Variants in TTC7B observed in about 807,000 individuals in gnomAD.
The protein encoded by TTC7B is tetratricopeptide repeat protein 7B.
TTC7B carries 28 observed loss-of-function variants against 106.8 expected under a neutral mutation model. The ratio of observed to expected loss-of-function variants is 0.26; its 90% CI spans 0.19 to 0.36. The LOEUF is 0.36. TTC7B is among the 10% of genes least tolerant of loss of function. TTC7B has a pLI of 1.00. For missense variants in TTC7B, 862 were observed against 1,076.4 expected (o/e 0.80, Z 2.79); for synonymous variants, 405 against 430.6 (o/e 0.94, Z 0.74).
chr14:90,551,041 C>T (rs771346775), intron 19 of TTC7B, among the ~76,000 whole-genome samples: 75 of 152,308 alleles, frequency 4.9e-4, no homozygotes, highest in South Asian at 1.0e-3. Flanking sequence ...GGCTGTATGG[C>T]TTCCCCTCAG....
intron 19 of TTC7B, among the ~76,000 whole-genome samples, chr14:90,550,993 C>T (rs564064585): frequency 6.6e-6 from 1 of 152,164 alleles, no homozygotes; most frequent in Non-Finnish European, 1.5e-5. Context: ...GCGAGCACCC[C>T]CTGGGAGAAG....
chr14:90,698,878 C>T (rs920780852), intron 5 of TTC7B: 1 of 280,638 alleles, frequency 3.6e-6, no homozygotes, highest in African/African-American at 2.3e-5. Flanking sequence ...TCATTCAAAT[C>T]CTTGTTTTTC....
chr14:90,748,353 G>C (rs567316840), intron 3 of TTC7B, among the ~76,000 whole-genome samples: 4 of 152,144 alleles, frequency 2.6e-5, no homozygotes, highest in African/African-American at 4.8e-5. Context: ...GTTTGGGACA[G>C]AGTCTCACTC....
intron 17 of TTC7B, among the ~76,000 whole-genome samples, chr14:90,603,828 T>C (rs906812101): frequency 3.9e-5 from 6 of 152,166 alleles, no homozygotes; most frequent in Non-Finnish European, 5.9e-5. Context: ...CAGTATGTTT[T>C]CCCCCCTCTA....
intron 5 of TTC7B, among the ~76,000 whole-genome samples, chr14:90,701,947 A>G (rs1246804374): frequency 6.6e-6 from 1 of 151,996 alleles, no homozygotes; most frequent in Non-Finnish European, 1.5e-5. Context: ...GTTCAGTTTA[A>G]CCCTAATGGT....
rs188858556 is a variant in TTC7B, at chr14:90,793,808, A to C, written c.122-7480T>G. ...TTTTTAGTAGAGACAGGGTTTCTCC[A>C]TGTTGGTCAGGCTGGTCTCGAACTC... On this transcript the variant is annotated intron_variant, in intron 1 of 19. Coordinates refer to ENST00000328459, the MANE Select transcript of TTC7B (RefSeq NM_001010854.2). 7.3e-5 allele frequency among the ~76,000 whole-genome samples: 11 copies of C among 151,320 alleles called. No individual in the cohort carries two copies. The East Asian group carries it at 1.4e-3, about 19-fold the overall frequency.
In TTC7B at chr14:90,539,778, T is replaced by C. The variant is rs1226522766; in HGVS notation, c.*1590A>G. The C allele has an allele frequency of 6.6e-6, 1 of 152,324 alleles. No individual in the cohort carries two copies. The highest frequency in any genetic ancestry group is 1.5e-5 in the Non-Finnish European group (1 of 68,090). 9.4% of individuals were successfully genotyped at this position (152,324 alleles called of 1,614,324 possible). ...GTTCCGGATCTTGCTGTCTACTCTG[T>C]GGGATTCGGACTTTGGCTCAAACAC... On this transcript the variant is annotated 3_prime_UTR_variant, in exon 20 of 20. Coordinates refer to ENST00000328459, the MANE Select transcript of TTC7B (RefSeq NM_001010854.2).
chr14:90,635,572 A>G (rs896643747), intron 15 of TTC7B, among the ~76,000 whole-genome samples: 9 of 151,300 alleles, frequency 5.9e-5, no homozygotes. Flanking sequence ...CATCCTGGCT[A>G]ACACAGTGAA....
At chr14:90,722,062 G>A (rs1027265026) in intron 5 of TTC7B, among the ~76,000 whole-genome samples, 1 of 152,234 alleles carries the variant, frequency 6.6e-6, no homozygotes, top group African/African-American at 2.4e-5. Context: ...CATATGAAGA[G>A]CGTGGAACAG....
chr14:90,809,494 G>T (rs907988884), intron 1 of TTC7B, among the ~76,000 whole-genome samples: 9 of 152,252 alleles, frequency 5.9e-5, no homozygotes, highest in Admixed American at 5.2e-4. Context: ...AGACAGCGGT[G>T]GAGAATGCTG....
Position 90,802,328 on chromosome 14 carries a change from G to A in TTC7B, c.121+13847C>T, listed in dbSNP as rs1228806475. ...AGGGAAGTCTAGGGTGCCTGTGCCC[G>A]TGCCTGCAGAAGGGAAGGGTCAGGA... On this transcript the variant is annotated intron_variant, in intron 1 of 19. Transcript: ENST00000328459. The surrounding 1 kb of genome is among the most constrained non-coding windows in gnomAD (Gnocchi z 4.7). 1.3e-5 allele frequency among the ~76,000 whole-genome samples: 2 copies of A among 152,134 alleles called. No individual in the cohort carries two copies. The highest frequency in any genetic ancestry group is 4.8e-5 in the African/African-American group (2 of 41,424).
rs1362657995 is a variant in TTC7B, at chr14:90,816,318, G to T, written c.-23C>A. On this transcript the variant is annotated 5_prime_UTR_variant, in exon 1 of 20. Coordinates refer to ENST00000328459, the MANE Select transcript of TTC7B (RefSeq NM_001010854.2). ...CATCGCGGCCTGGCCGGGCCCGGCC[G>T]CCCGCCCCGCAGGCCCCACCGCCGC... is the stretch of plus-strand genomic sequence containing the variant. 4.6e-6 allele frequency: 5 copies of T among 1,096,440 alleles called. No homozygotes were observed. The African/African-American group carries it at 8.4e-5, about 19-fold the overall frequency. 67.9% of individuals were successfully genotyped at this position (1,096,440 alleles called of 1,614,324 possible).
At position 90,610,799 on chromosome 14, in the gene TTC7B, C is replaced by T; in HGVS notation, c.1909G>A (p.Ala637Thr). 2 of 1,614,062 alleles carry T rather than the reference C, an allele frequency of 1.2e-6. No homozygotes were observed. ...ATTGTATTAAGCTGTCGTCTGTCAG[C>T]AATGGTTCTATCTAAGAGGCTGCTC... ...RGSSLLDRTIADRRQLNTITL... is the reference protein window; with the variant it reads ...RGSSLLDRTITDRRQLNTITL... The change falls in exon 17 of 20, where the codon GCT (alanine) becomes ACT (threonine). Residue 637 changes from alanine (A) to threonine (T), a missense_variant. By Grantham distance (58) the Ala-to-Thr change is moderately conservative. Transcript: ENST00000328459.
chr14:90,646,744 G>A, intron 14 of TTC7B: 2 of 567,106 alleles, frequency 3.5e-6, no homozygotes, highest in Admixed American at 6.1e-5. Context: ...TCCAATAGCA[G>A]AGCCTGGAAC....
intron 18 of TTC7B, among the ~76,000 whole-genome samples, chr14:90,580,319 C>A (rs942358109): frequency 6.6e-6 from 1 of 152,232 alleles, no homozygotes; most frequent in Non-Finnish European, 1.5e-5. Context: ...CTCATTTTAT[C>A]TACATGGTGA....
chr14:90,804,744 C>T (rs1399474555), intron 1 of TTC7B, among the ~76,000 whole-genome samples: 4 of 152,220 alleles, frequency 2.6e-5, no homozygotes, highest in African/African-American at 7.2e-5. Context: ...ACTGGACACT[C>T]GCTGGGGCTA....
At chr14:90,792,996 A>C (rs1300193162) in intron 1 of TTC7B, among the ~76,000 whole-genome samples, 1 of 152,224 alleles carries the variant, frequency 6.6e-6, no homozygotes, top group East Asian at 1.9e-4. Flanking sequence ...CCCACCTGTC[A>C]AAGGAGGGAC....
Position 90,730,100 on chromosome 14 carries a change from C to T in TTC7B, c.673G>A (p.Ala225Thr), listed in dbSNP as rs369644721. 4 of 1,612,740 alleles carry T rather than the reference C, an allele frequency of 2.5e-6. No homozygotes were observed. Among genetic ancestry groups the T allele is most frequent in the South Asian group, 1.1e-5 (1 of 90,866 alleles). Residue 225 changes from alanine to threonine, a missense_variant, in exon 5 of 20, where the codon GCC (alanine) becomes ACC (threonine). Coordinates refer to ENST00000328459, the MANE Select transcript of TTC7B (RefSeq NM_001010854.2). ...GFFLETGLQRAHVLYFKNGNL... is the reference protein window; with the variant it reads ...GFFLETGLQRTHVLYFKNGNL... ...CCATTTTTGAAATAGAGGACATGGG[C>T]TCTCTGAAGTCCTGTTTCTAGGAAA...
intron 19 of TTC7B, among the ~76,000 whole-genome samples, chr14:90,561,040 C>T (rs1241096577): frequency 6.6e-6 from 1 of 152,194 alleles, no homozygotes; most frequent in African/African-American, 2.4e-5. Context: ...CTAGTTTGTT[C>T]TGGGAGATCC....
Sources: gnomAD v4.1 joint callset for allele counts (sites outside exome capture counted in the v4.1 genomes callset) on GRCh38, gnomAD v4.1.1 for gene constraint, Gnocchi (gnomAD v3.1) non-coding constraint, MANE v1.5 for transcripts, NCBI Gene and HGNC (gene_info 2026-07-23, HGNC 2026-07-21) for gene names.